TTLL5: variants seen among roughly 807,000 people sequenced by gnomAD.
TTLL5 encodes tubulin polyglutamylase TTLL5.
In TTLL5, 132 loss-of-function variants were observed where a neutral mutation model predicts 168.4. The observed-to-expected ratio is 0.78, with a 90% CI of 0.68 to 0.91. The LOEUF is 0.91. Among genes scored for constraint, TTLL5 ranks in the 40% least tolerant of loss-of-function variants. The pLI is 0.00. For missense variants in TTLL5, 1,545 were observed against 1,581.5 expected (o/e 0.98, Z 0.39); for synonymous variants, 546 against 558.6 (o/e 0.98, Z 0.32).
chr14:75,824,258 G>T (rs1460345969), intron 28 of TTLL5, among the ~76,000 whole-genome samples: 1 of 152,158 alleles, frequency 6.6e-6, no homozygotes, highest in African/African-American at 2.4e-5. Context: ...GGGCCTAAAA[G>T]ACTTTTGAAG....
At chr14:75,749,701 C>T (rs886259992) in intron 17 of TTLL5, among the ~76,000 whole-genome samples, 1 of 151,994 alleles carries the variant, frequency 6.6e-6, no homozygotes, top group African/African-American at 2.4e-5. Context: ...TCTCTTGGTG[C>T]GTTCTGAGAA....
rs1013391348 is a variant in TTLL5, at chr14:75,764,520, A to G, written c.1551-95A>G. On this transcript the variant is annotated intron_variant, in intron 18 of 31. Transcript: ENST00000298832. ...AGAATTCACTTGAGTTACCATGTCC[A>G]GTATGTCAGCATTATGGAATTCTGG... 3.5e-6 allele frequency: 5 copies of G among 1,434,240 alleles called. No individual in the cohort carries two copies. The Admixed American group carries it at 5.6e-5, about 16-fold the overall frequency. The allele number at this position is 1,434,240 out of a possible 1,614,324, so 88.8% of individuals were successfully genotyped here.
chr14:75,690,557 CCT>C (rs1485187016), intron 6 of TTLL5, among the ~76,000 whole-genome samples: 1 of 152,014 alleles, frequency 6.6e-6, no homozygotes, highest in Non-Finnish European at 1.5e-5. Flanking sequence ...TAAGCATGCC[CCT>C]GTCTTATGTA....
intron 30 of TTLL5, among the ~76,000 whole-genome samples, chr14:75,898,819 T>G (rs1039616576): frequency 2.6e-5 from 4 of 152,056 alleles, no homozygotes; most frequent in African/African-American, 9.7e-5. Flanking sequence ...ATGTGGCGTC[T>G]CTTCCTAAGG....
chr14:75,719,835 T>G lies in TTLL5; in HGVS notation c.934+9T>G. 6.2e-7 allele frequency: 1 copy of G among 1,613,170 alleles called. No homozygotes were observed. The highest frequency in any genetic ancestry group is 8.5e-7 in the Non-Finnish European group (1 of 1,179,204). ...AGGCAGAGATACAACCGGTGAGTACTGGGCCTTTTTCCTTCTTGACTTCTC... is the reference window on the plus strand; with the variant it reads ...AGGCAGAGATACAACCGGTGAGTACGGGGCCTTTTTCCTTCTTGACTTCTC... On this transcript the variant is annotated intron_variant, in intron 11 of 31. Transcript: ENST00000298832.
chr14:75,674,727 TTTAG>T (rs1176270959), intron 3 of TTLL5, among the ~76,000 whole-genome samples: 2 of 152,160 alleles, frequency 1.3e-5, no homozygotes, highest in East Asian at 1.9e-4. Flanking sequence ...AATGTGTTTA[TTTAG>T]TAAGTTTGTA....
chr14:75,773,118 G>A (rs1891445063), intron 21 of TTLL5, among the ~76,000 whole-genome samples: 1 of 152,098 alleles, frequency 6.6e-6, no homozygotes, highest in South Asian at 2.1e-4. Context: ...CAGGCTTATT[G>A]TAAAAACATG....
chr14:75,866,056 C>T (rs1459317962), intron 29 of TTLL5, among the ~76,000 whole-genome samples: 1 of 152,128 alleles, frequency 6.6e-6, no homozygotes, highest in Non-Finnish European at 1.5e-5. Context: ...GCTAAAGTAA[C>T]TAAATTCCAT....
At chr14:75,844,268 A>G (rs550107267) in intron 28 of TTLL5, among the ~76,000 whole-genome samples, 3 of 152,210 alleles carry the variant, frequency 2.0e-5, no homozygotes, top group South Asian at 4.1e-4. Context: ...TTGCCTATGT[A>G]TGTTCAATTG....
At chr14:75,696,492 G>A (rs1885881558) in intron 6 of TTLL5, among the ~76,000 whole-genome samples, 1 of 151,982 alleles carries the variant, frequency 6.6e-6, no homozygotes, top group African/African-American at 2.4e-5. Context: ...GGGGAAAATG[G>A]CAAAGTGAAA....
At chr14:75,877,347 A>G (rs970042912) in intron 29 of TTLL5, among the ~76,000 whole-genome samples, 4 of 152,154 alleles carry the variant, frequency 2.6e-5, no homozygotes, top group African/African-American at 9.7e-5. Context: ...GAGAGCCCAG[A>G]TCTTGCTTCC....
intron 29 of TTLL5, among the ~76,000 whole-genome samples, chr14:75,881,857 A>G (rs1051492316): frequency 6.6e-6 from 1 of 152,240 alleles, no homozygotes; most frequent in Admixed American, 6.5e-5. Context: ...AATGAGATAA[A>G]TAAGTTGTAA....
chr14:75,784,209 C>T (rs1466564203), intron 26 of TTLL5, among the ~76,000 whole-genome samples: 1 of 152,214 alleles, frequency 6.6e-6, no homozygotes, highest in Non-Finnish European at 1.5e-5. Flanking sequence ...CCCCAAGCCC[C>T]TGGCAACCAC....
chr14:75,746,557 C>CTTTTCT (rs1261769061), intron 17 of TTLL5, among the ~76,000 whole-genome samples: 1 of 114,726 alleles, frequency 8.7e-6, no homozygotes, highest in African/African-American at 3.3e-5. Context: ...CTTTTCTTTT[C>CTTTTCT]TTTTTTTTTT....
At chr14:75,848,061 G>C (rs1896648969) in intron 28 of TTLL5, among the ~76,000 whole-genome samples, 1 of 151,426 alleles carries the variant, frequency 6.6e-6, no homozygotes, top group African/African-American at 2.4e-5. Context: ...TACAGGTGGA[G>C]AAGGTTTAAA....
intron 31 of TTLL5, among the ~76,000 whole-genome samples, chr14:75,902,812 G>A (rs2032981186): frequency 6.6e-6 from 1 of 152,150 alleles, no homozygotes. Flanking sequence ...TAATAAAAAT[G>A]AACTATTAAG....
chr14:75,864,962 A>G (rs1379489115), intron 29 of TTLL5, among the ~76,000 whole-genome samples: 1 of 152,186 alleles, frequency 6.6e-6, no homozygotes, highest in Non-Finnish European at 1.5e-5. Flanking sequence ...TTATTTCAAC[A>G]TAGTTCATCA....
intron 3 of TTLL5, among the ~76,000 whole-genome samples, chr14:75,680,851 T>C (rs1884555740): frequency 1.3e-5 from 2 of 152,020 alleles, no homozygotes; most frequent in Non-Finnish European, 2.9e-5. Context: ...GGTCTCGAAT[T>C]CCTGACCTCA....
At chr14:75,752,985 A>C in intron 18 of TTLL5, 30 bp downstream of exon 18, 1 of 1,590,946 alleles carries the variant, frequency 6.3e-7, no homozygotes, top group Non-Finnish European at 8.6e-7. Flanking sequence ...TAAATTTAGG[A>C]CTAGATCACA....
Sources: gnomAD v4.1 joint callset for allele counts (sites outside exome capture counted in the v4.1 genomes callset) on GRCh38, gnomAD v4.1.1 for gene constraint, MANE v1.5 for transcripts, NCBI Gene and HGNC (gene_info 2026-07-23, HGNC 2026-07-21) for gene names.